Variants in HIPK2 observed in about 807,000 individuals in gnomAD.
The protein encoded by HIPK2 is homeodomain-interacting protein kinase 2.
A neutral mutation model predicts 113.7 loss-of-function variants in HIPK2; 27 were observed. The ratio of observed to expected loss-of-function variants is 0.24; its 90% CI spans 0.17 to 0.33. The LOEUF (loss-of-function observed/expected upper bound fraction) is 0.33. Among genes scored for constraint, HIPK2 ranks in the 10% least tolerant of loss-of-function variants. HIPK2 has a pLI of 1.00. For missense variants in HIPK2, 1,257 were observed against 1,588.0 expected, an observed-to-expected ratio of 0.79 and a Z score of 3.54; for synonymous variants, 631 against 642.2, an observed-to-expected ratio of 0.98 and a Z score of 0.26.
intron 1 of HIPK2, among the ~76,000 whole-genome samples, 193 bp downstream of exon 1, chr7:139,777,412 T>G (rs1008313149): frequency 2.6e-5 from 4 of 151,496 alleles, no homozygotes; most frequent in African/African-American, 9.7e-5. Flanking sequence ...CTCCCCGCCC[T>G]GGAAGCAAGA....
At chr7:139,731,066 C>T (rs1288900734) in intron 1 of HIPK2, among the ~76,000 whole-genome samples, 1 of 152,190 alleles carries the variant, frequency 6.6e-6, no homozygotes, top group African/African-American at 2.4e-5. Flanking sequence ...TGTTTTAGGC[C>T]ACCTATTAAT....
At chr7:139,706,746 A>G (rs1466427562) in intron 2 of HIPK2, among the ~76,000 whole-genome samples, 1 of 152,194 alleles carries the variant, frequency 6.6e-6, no homozygotes, top group South Asian at 2.1e-4. Flanking sequence ...GTGAATTCTT[A>G]GCTTGCATTC....
Position 139,683,499 on chromosome 7 carries a change from C to T in HIPK2, c.1103+32433G>A, listed in dbSNP as rs376191495. Among the ~76,000 whole-genome samples the T allele has an allele frequency of 1.3e-5, 2 of 152,088 alleles. No individual in the cohort carries two copies. Among genetic ancestry groups the T allele is most frequent in the Non-Finnish European group, 2.9e-5 (2 of 68,024 alleles). Reference sequence around the variant, plus strand: ...ACACGGGAGCCAAAGCGAGAAATACCAGAGAGAGAGACACACGCATACCAA... The same window carrying T: ...ACACGGGAGCCAAAGCGAGAAATACTAGAGAGAGAGACACACGCATACCAA... On this transcript the variant is annotated intron_variant, in intron 2 of 14. Coordinates refer to ENST00000406875, the MANE Select transcript of HIPK2 (RefSeq NM_022740.5). This position sits in a 1 kb window ranked among gnomAD's most constrained non-coding sequence, Gnocchi z 4.2.
chr7:139,570,303 C>G lies in HIPK2; in HGVS notation c.*2624G>C, dbSNP rs569454461. 1 of 152,632 alleles carries G rather than the reference C, an allele frequency of 6.6e-6. No individual in the cohort carries two copies. The highest frequency in any genetic ancestry group is 1.9e-4 in the East Asian group (1 of 5,176). 9.5% of individuals were successfully genotyped at this position (152,632 alleles called of 1,614,324 possible). On this transcript the variant is annotated 3_prime_UTR_variant, in exon 15 of 15. Coordinates refer to ENST00000406875, the MANE Select transcript of HIPK2 (RefSeq NM_022740.5). ...GGGGCGGGGGGGGGTCCTCTGGCTT[C>G]TGTGTCCTCTGAAGCGTTTGCTGCC...
At chr7:139,672,124 G>A (rs1802324935) in intron 2 of HIPK2, among the ~76,000 whole-genome samples, 1 of 152,100 alleles carries the variant, frequency 6.6e-6, no homozygotes, top group Non-Finnish European at 1.5e-5. Flanking sequence ...CACAGTGTAT[G>A]CTGAACACTG....
intron 1 of HIPK2, among the ~76,000 whole-genome samples, chr7:139,723,916 T>C (rs1057143935): frequency 3.3e-5 from 5 of 152,266 alleles, no homozygotes; most frequent in Admixed American, 1.3e-4. Flanking sequence ...GAACACCTGA[T>C]TTTAAGAGGT....
intron 2 of HIPK2, among the ~76,000 whole-genome samples, chr7:139,703,336 C>T (rs890220612): frequency 0.01 from 1,556 of 152,166 alleles, 32 homozygotes; most frequent in African/African-American, 0.036. Context: ...TTCACAAGTG[C>T]GGACATCATC....
rs139812485 is a variant in HIPK2, at chr7:139,754,950, G to A, written c.19+22655C>T. Among the ~76,000 whole-genome samples, 7 of 152,136 alleles carry A rather than the reference G, an allele frequency of 4.6e-5. No individual in the cohort carries two copies. The East Asian group carries it at 9.6e-4, about 21-fold the overall frequency. On this transcript the variant is annotated intron_variant, in intron 1 of 14. Coordinates refer to ENST00000406875, the MANE Select transcript of HIPK2 (RefSeq NM_022740.5). The stretch of plus-strand genomic sequence containing the variant: ...TGGTTCATACGGATGATACCACCAC[G>A]GCACAGAGATCTCCATAAGTACTTT...
chr7:139,770,613 T>C (rs1796634756), intron 1 of HIPK2, among the ~76,000 whole-genome samples: 1 of 152,254 alleles, frequency 6.6e-6, no homozygotes, highest in South Asian at 2.1e-4. Flanking sequence ...GAAGGTTCTA[T>C]GGTGATCTCT....
chr7:139,710,520 C>T (rs1196416839), intron 2 of HIPK2, among the ~76,000 whole-genome samples: 1 of 152,204 alleles, frequency 6.6e-6, no homozygotes, highest in African/African-American at 2.4e-5. Flanking sequence ...ATTGAAGCAT[C>T]AGAATGACAG....
chr7:139,655,609 A>AC (rs1176066428), intron 2 of HIPK2, among the ~76,000 whole-genome samples: 1 of 152,116 alleles, frequency 6.6e-6, no homozygotes, highest in African/African-American at 2.4e-5. Context: ...TTAAGGTGGC[A>AC]ATGCTTGTCC....
At chr7:139,604,352 C>A (rs1331017079) in intron 9 of HIPK2, 129 bp from the exon 10 acceptor site, 1 of 1,359,462 alleles carries the variant, frequency 7.4e-7, no homozygotes, top group Non-Finnish European at 9.9e-7. Flanking sequence ...AGGGCCTGGT[C>A]TCTGGCCTCA....
chr7:139,743,047 T>C (rs1796130865), intron 1 of HIPK2, among the ~76,000 whole-genome samples: 1 of 152,178 alleles, frequency 6.6e-6, no homozygotes, highest in Non-Finnish European at 1.5e-5. Context: ...ACAGTCTAGG[T>C]GGGACTCCCA....
intron 2 of HIPK2, among the ~76,000 whole-genome samples, chr7:139,681,680 T>C (rs1802704905): frequency 6.6e-6 from 1 of 152,142 alleles, no homozygotes; most frequent in Admixed American, 6.5e-5. Flanking sequence ...AGAGAGCACA[T>C]TTAAAACTCC....
At chr7:139,623,572 G>GGAGGGAT (rs1257543944) in intron 6 of HIPK2, among the ~76,000 whole-genome samples, 1 of 151,972 alleles carries the variant, frequency 6.6e-6, no homozygotes, top group African/African-American at 2.4e-5. Flanking sequence ...CAAGAGTAGG[G>GGAGGGAT]GAGGGATGGG....
chr7:139,612,966 T>C (rs1214054187), intron 9 of HIPK2, among the ~76,000 whole-genome samples: 2 of 152,198 alleles, frequency 1.3e-5, no homozygotes, highest in African/African-American at 4.8e-5. Context: ...TTCAAAGATA[T>C]AATAATAATA....
At chr7:139,581,377 G>A (rs1798664388) in intron 13 of HIPK2, among the ~76,000 whole-genome samples, 1 of 152,224 alleles carries the variant, frequency 6.6e-6, no homozygotes, top group Non-Finnish European at 1.5e-5. Context: ...GGTCCCCGGG[G>A]TTCTGGCTCC....
At chr7:139,694,512 C>T (rs1794510111) in intron 2 of HIPK2, among the ~76,000 whole-genome samples, 2 of 152,206 alleles carry the variant, frequency 1.3e-5, no homozygotes, top group African/African-American at 2.4e-5. Context: ...CCCAGATCCA[C>T]CTCTGGTCTC....
intron 5 of HIPK2, among the ~76,000 whole-genome samples, chr7:139,628,176 C>T (rs1800494684): frequency 6.6e-6 from 1 of 152,206 alleles, no homozygotes; most frequent in Non-Finnish European, 1.5e-5. Context: ...GACACGGATG[C>T]TCTTCCCCTA....
Sources: gnomAD v4.1 joint callset for allele counts (sites outside exome capture counted in the v4.1 genomes callset) on GRCh38, gnomAD v4.1.1 for gene constraint, Gnocchi (gnomAD v3.1) non-coding constraint, MANE v1.5 for transcripts, NCBI Gene and HGNC (gene_info 2026-07-23, HGNC 2026-07-21) for gene names.